CRAT: variants seen among roughly 807,000 people sequenced by gnomAD.
CRAT encodes the protein carnitine acetylase.
CRAT carries 66 observed loss-of-function variants against 73.7 expected under a neutral mutation model. The observed-to-expected ratio is 0.90, with a 90% CI of 0.73 to 1.10. The LOEUF (loss-of-function observed/expected upper bound fraction) is 1.10. CRAT is among the 50% of genes least tolerant of loss of function. CRAT has a pLI of 0.00. For missense variants in CRAT, 745 were observed against 846.9 expected, an observed-to-expected ratio of 0.88 and a Z score of 1.49; for synonymous variants, 321 against 343.2, an observed-to-expected ratio of 0.94 and a Z score of 0.71.
At position 129,102,488 on chromosome 9, in the gene CRAT, C is replaced by G; in HGVS notation, c.542G>C (p.Arg181Pro). The change falls in exon 5 of 14, where the codon CGA (arginine) becomes CCA (proline). Residue 181 changes from arginine to proline, a missense_variant. Coordinates refer to ENST00000318080, the MANE Select transcript of CRAT (RefSeq NM_000755.5). ...NQYYQILSSC[R>P]VPGPKQDTVS... ...TGTGTCCTGCTTGGGGCCCGGCACTCGGCAGGAGGACAAGATCTGATAGTA... is the reference window on the plus strand; with the variant it reads ...TGTGTCCTGCTTGGGGCCCGGCACTGGGCAGGAGGACAAGATCTGATAGTA... 6.2e-7 allele frequency: 1 copy of G among 1,614,068 alleles called. No individual in the cohort carries two copies. Among genetic ancestry groups the G allele is most frequent in the African/African-American group, 1.3e-5 (1 of 74,992 alleles).
At chr9:129,098,497 A>C in intron 9 of CRAT, 34 bp downstream of exon 9, 1 of 1,598,404 alleles carries the variant, frequency 6.3e-7, no homozygotes, top group Non-Finnish European at 8.5e-7. Flanking sequence ...GGCCTCACCC[A>C]TCCAGCACAG....
At position 129,097,993 on chromosome 9, in the gene CRAT, C is replaced by T. The variant is rs1847388923; in HGVS notation, c.1464+20G>A. The T allele has an allele frequency of 6.2e-7, 1 of 1,609,672 alleles. No homozygotes were observed. The highest frequency in any genetic ancestry group is 8.5e-7 in the Non-Finnish European group (1 of 1,178,012). Reference sequence around the variant, plus strand: ...AGGGGCTCAGGCCCAGCTCACCCACCCTCGCCCCAGACCTCTCACCGTGAC... The same window carrying T: ...AGGGGCTCAGGCCCAGCTCACCCACTCTCGCCCCAGACCTCTCACCGTGAC... On this transcript the variant is annotated intron_variant, in intron 11 of 13. Coordinates refer to ENST00000318080, the MANE Select transcript of CRAT (RefSeq NM_000755.5).
intron 8 of CRAT, among the ~76,000 whole-genome samples, chr9:129,099,636 A>G (rs1217181898): frequency 2.0e-5 from 3 of 150,318 alleles, no homozygotes; most frequent in African/African-American, 7.4e-5. Context: ...GCATTTCACC[A>G]TGTTGGCCAG....
rs1554724245 is a variant in CRAT, at chr9:129,095,511, C to A, written c.1767G>T (p.Leu589=). 3.1e-6 allele frequency: 5 copies of A among 1,613,414 alleles called. No homozygotes were observed. The African/African-American group carries it at 5.3e-5, about 17-fold the overall frequency. The change falls in exon 14 of 14, where the codon CTG becomes CTT. Residue 589 remains leucine (L), a synonymous_variant. Coordinates refer to ENST00000318080, the MANE Select transcript of CRAT (RefSeq NM_000755.5). ...TCTCCGCGCAGCTGTTGTAGGCCGACAGGGAGAAGTTGATGTGGGCCTCCA... is the reference window on the plus strand; with the variant it reads ...TCTCCGCGCAGCTGTTGTAGGCCGAAAGGGAGAAGTTGATGTGGGCCTCCA... ...NPMEAHINFS[L]SAYNSCAETN...
rs1209061524 is a variant in CRAT, at chr9:129,107,436, TCAGATA to T, written c.291+372_291+377del. 1 of 594,402 alleles carries T rather than the reference TCAGATA, an allele frequency of 1.7e-6. No individual in the cohort carries two copies. Among genetic ancestry groups the T allele is most frequent in the Non-Finnish European group, 3.0e-6 (1 of 332,790 alleles). 36.8% of individuals were successfully genotyped at this position (594,402 alleles called of 1,614,324 possible). On this transcript the variant is annotated intron_variant, in intron 2 of 13. Coordinates refer to ENST00000318080, the MANE Select transcript of CRAT (RefSeq NM_000755.5). This position sits in a 1 kb window ranked among gnomAD's most constrained non-coding sequence, Gnocchi z 5.0. ...AAACTGGGTACACCTGTGTCATAGATCAGATACAGAACCTGGGCGATCGGTCACTGA... is the reference window on the plus strand; with the variant it reads ...AAACTGGGTACACCTGTGTCATAGATCAGAACCTGGGCGATCGGTCACTGA...
Position 129,099,885 on chromosome 9 carries a change from C to T in CRAT, c.1066G>A (p.Asp356Asn), listed in dbSNP as rs528442566. 3.7e-6 allele frequency: 6 copies of T among 1,613,686 alleles called. No individual in the cohort carries two copies. In the South Asian group the frequency reaches 5.5e-5, roughly 15 times the overall value. The change falls in exon 8 of 14, where the codon GAC (aspartate) becomes AAC (asparagine). Residue 356 changes from aspartate to asparagine, a missense_variant. Transcript: ENST00000318080. ...ACTCACGTGTACTCGATGACATAGT[C>T]CAGAAGGGTGACAATAGGGGGCCCC... ...AEGPPIVTLL[D>N]YVIEYTKKPE...
Position 129,097,237 on chromosome 9 carries a change from C to A in CRAT, c.1527+13G>T, listed in dbSNP as rs759318673. The A allele has an allele frequency of 1.3e-6, 2 of 1,550,774 alleles. No homozygotes were observed. The highest frequency in any genetic ancestry group is 1.2e-5 in the South Asian group (1 of 83,426). On this transcript the variant is annotated intron_variant, in intron 12 of 13. Coordinates refer to ENST00000318080, the MANE Select transcript of CRAT (RefSeq NM_000755.5). Reference sequence around the variant, plus strand: ...TAAGGGACAAGTGAGTAGGCACAAGCGGGCTCACTTACCCGGTCGGTGTAG... The same window carrying A: ...TAAGGGACAAGTGAGTAGGCACAAGAGGGCTCACTTACCCGGTCGGTGTAG...
At chr9:129,099,426 ATTTT>A (rs55884891) in intron 8 of CRAT, among the ~76,000 whole-genome samples, 20 of 121,234 alleles carry the variant, frequency 1.6e-4, no homozygotes, top group Non-Finnish European at 1.5e-4. Flanking sequence ...ACCTGGCCTA[ATTTT>A]TTTTTTTTTT....
chr9:129,109,898 C>G (rs886385142), intron 1 of CRAT, among the ~76,000 whole-genome samples: 8 of 85,788 alleles, frequency 9.3e-5, no homozygotes, highest in African/African-American at 3.3e-4. Flanking sequence ...AGGATATAGC[C>G]AGGGTGGGGA....
At chr9:129,098,910 T>C (rs1847475485) in intron 8 of CRAT, among the ~76,000 whole-genome samples, 1 of 150,974 alleles carries the variant, frequency 6.6e-6, no homozygotes, top group Admixed American at 6.6e-5. Flanking sequence ...GCCTCCCTGG[T>C]TCAAGCGATT....
At chr9:129,108,179 A>G in intron 1 of CRAT, 102 bp from the exon 2 acceptor site, 1 of 1,401,888 alleles carries the variant, frequency 7.1e-7, no homozygotes, top group Non-Finnish European at 9.4e-7. Flanking sequence ...CCCTGGGGGC[A>G]GAGACGGCCT....
intron 12 of CRAT, 64 bp downstream of exon 12, chr9:129,097,186 C>A: frequency 7.1e-7 from 1 of 1,408,612 alleles, no homozygotes; most frequent in South Asian, 1.4e-5. Flanking sequence ...GACGGACAGT[C>A]AGAGGGACAG....
At chr9:129,102,851 G>A (rs1847774070) in intron 4 of CRAT, among the ~76,000 whole-genome samples, 162 bp downstream of exon 4, 1 of 152,186 alleles carries the variant, frequency 6.6e-6, no homozygotes, top group Admixed American at 6.5e-5. Flanking sequence ...GTCCTCTTTA[G>A]TTGGGATGGG....
In CRAT at chr9:129,107,118, C is replaced by T. The variant is rs111683351; in HGVS notation, c.291+696G>A. On this transcript the variant is annotated intron_variant, in intron 2 of 13. Coordinates refer to ENST00000318080, the MANE Select transcript of CRAT (RefSeq NM_000755.5). This position sits in a 1 kb window ranked among gnomAD's most constrained non-coding sequence, Gnocchi z 5.0. ...GCACAATCTTGGCTCACTGCAACCT[C>T]CACCTGCCAGGTTCAAGCAATTCTC... is the stretch of plus-strand genomic sequence containing the variant. 6.0e-4 allele frequency among the ~76,000 whole-genome samples: 92 copies of T among 152,310 alleles called. No homozygotes were observed. The highest frequency in any genetic ancestry group is 2.2e-3 in the African/African-American group (90 of 41,572).
Position 129,099,866 on chromosome 9 carries a change from G to A in CRAT, c.1085C>T (p.Thr362Met), listed in dbSNP as rs200496888. 1.9e-5 allele frequency: 31 copies of A among 1,610,594 alleles called. No homozygotes were observed. Among genetic ancestry groups the A allele is most frequent in the Non-Finnish European group, 2.3e-5 (27 of 1,177,464 alleles). ...AGGCGAGAGATGTGACTGTACTCAC[G>A]TGTACTCGATGACATAGTCCAGAAG... The part of the protein sequence containing the change: ...VTLLDYVIEY[T>M]KKPELVRSPL... Residue 362 changes from threonine (T) to methionine (M), a missense_variant and splice_region_variant, in exon 8 of 14, where the codon ACG (threonine) becomes ATG (methionine). Coordinates refer to ENST00000318080, the MANE Select transcript of CRAT (RefSeq NM_000755.5).
Position 129,095,203 on chromosome 9 carries a change from G to T in CRAT, c.*194C>A. On this transcript the variant is annotated 3_prime_UTR_variant, in exon 14 of 14. Transcript: ENST00000318080. ...AGCCCCAGGTCGGGCCCTGGCAGGT[G>T]CTGGGATGACCCACGGAAGGCACTT... is the stretch of plus-strand genomic sequence containing the variant. 1.6e-6 allele frequency: 1 copy of T among 641,092 alleles called. No homozygotes were observed. Among genetic ancestry groups the T allele is most frequent in the Non-Finnish European group, 2.7e-6 (1 of 374,612 alleles). The allele number at this position is 641,092 out of a possible 1,614,324, so 39.7% of individuals were successfully genotyped here.
Position 129,103,249 on chromosome 9 carries a change from A to G in CRAT, c.411-183T>C, listed in dbSNP as rs1231226667. Among the ~76,000 whole-genome samples, 2 of 152,120 alleles carry G rather than the reference A, an allele frequency of 1.3e-5. No homozygotes were observed. Among genetic ancestry groups the G allele is most frequent in the African/African-American group, 2.4e-5 (1 of 41,428 alleles). On this transcript the variant is annotated intron_variant, in intron 3 of 13. Transcript: ENST00000318080. The surrounding 1 kb of genome is among the most constrained non-coding windows in gnomAD (Gnocchi z 4.6). ...CTTGCCAGCCTGTGTGTGCTTCTTCATAACCTCTAGAGGGAGCATGGTCGG... is the reference window on the plus strand; with the variant it reads ...CTTGCCAGCCTGTGTGTGCTTCTTCGTAACCTCTAGAGGGAGCATGGTCGG...
In CRAT at chr9:129,100,675, C is replaced by G. The variant is rs537252245; in HGVS notation, c.820G>C (p.Asp274His). ...NTLIKDKVNR[D>H]SVRSIQKSIF... is the part of the protein sequence containing the mutation. ...CTCTTCTGGATGGAGCGCACGGAAT[C>G]CCGGTTCACCTTGTCTGCAGGTGGC... Residue 274 changes from aspartate to histidine, a missense_variant, in exon 7 of 14, where the codon GAT (aspartate) becomes CAT (histidine). Asp to His is a moderately conservative substitution (Grantham distance 81, BLOSUM62 -1). Transcript: ENST00000318080. 5.0e-6 allele frequency: 8 copies of G among 1,613,528 alleles called. No individual in the cohort carries two copies. The South Asian group carries it at 6.6e-5, about 13-fold the overall frequency.
rs149500678 is a variant in CRAT, at chr9:129,107,159, C to G, written c.291+655G>C. Among the ~76,000 whole-genome samples, 5,975 of 152,180 alleles carry G rather than the reference C, an allele frequency of 0.039. 388 individuals are homozygous for G. Among genetic ancestry groups the G allele is most frequent in the African/African-American group, 0.14 (5,697 of 41,484 alleles). ...AGCAATTCTCCTGCCTCAGCCTCCC[C>G]AGTATCTGGGATTACAGGTGCGTGC... On this transcript the variant is annotated intron_variant, in intron 2 of 13. Coordinates refer to ENST00000318080, the MANE Select transcript of CRAT (RefSeq NM_000755.5). This position sits in a 1 kb window ranked among gnomAD's most constrained non-coding sequence, Gnocchi z 5.0.
Sources: allele counts gnomAD v4.1 joint callset (sites outside exome capture counted in the v4.1 genomes callset), GRCh38; gene constraint gnomAD v4.1.1; non-coding constraint Gnocchi (gnomAD v3.1); transcripts MANE v1.5; gene names NCBI Gene and HGNC (gene_info 2026-07-23, HGNC 2026-07-21).